The following CDC42BPA variants were observed in gnomAD, a reference collection of about 807,000 sequenced individuals.
CDC42BPA encodes CDC42 binding protein kinase alpha.
In CDC42BPA, 80 loss-of-function variants were observed where a neutral mutation model predicts 223.5. The ratio of observed to expected loss-of-function variants is 0.36; its 90% CI spans 0.30 to 0.43. CDC42BPA has a LOEUF of 0.43. Ranked by LOEUF, CDC42BPA falls within the 20% of genes least tolerant of loss-of-function variation. The pLI is 1.00. For missense variants in CDC42BPA, 1,743 were observed against 2,099.9 expected, an observed-to-expected ratio of 0.83 and a Z score of 3.32; for synonymous variants, 694 against 718.6, an observed-to-expected ratio of 0.97 and a Z score of 0.55.
chr1:227,011,159 T>A lies in CDC42BPA; in HGVS notation c.4857+4921A>T, dbSNP rs115859026. ...TGCACACAGAACAAATGGAATAGTA[T>A]CTGATATCAGAGCTGAATCCTTAAT... is the stretch of plus-strand genomic sequence containing the variant. On this transcript the variant is annotated intron_variant, in intron 34 of 36. Transcript: ENST00000366766. The A allele has an allele frequency of 1.4e-5, 8 of 562,592 alleles. No homozygotes were observed. The African/African-American group carries it at 1.4e-4, about 10-fold the overall frequency. The allele number at this position is 562,592 out of a possible 1,614,324, so 34.9% of individuals were successfully genotyped here. A position where few individuals can be genotyped will look rare whatever the true frequency, so the allele number is the denominator to read the frequency against.
At chr1:227,116,789 G>C (rs1232739267) in intron 12 of CDC42BPA, among the ~76,000 whole-genome samples, 1 of 152,132 alleles carries the variant, frequency 6.6e-6, no homozygotes, top group Non-Finnish European at 1.5e-5. Context: ...TTAGTAGTGA[G>C]AAAACTAAGA....
At chr1:227,187,993 A>G (rs1435335061) in intron 5 of CDC42BPA, among the ~76,000 whole-genome samples, 3 of 152,084 alleles carry the variant, frequency 2.0e-5, no homozygotes, top group East Asian at 3.9e-4. Flanking sequence ...CAGGAAAACT[A>G]TATTTCAGGA....
At chr1:227,291,799 T>C (rs1689746500) in intron 1 of CDC42BPA, among the ~76,000 whole-genome samples, 1 of 152,172 alleles carries the variant, frequency 6.6e-6, no homozygotes, top group Admixed American at 6.5e-5. Flanking sequence ...CAGCTACCTC[T>C]TATTACTGTA....
intron 5 of CDC42BPA, among the ~76,000 whole-genome samples, chr1:227,167,071 T>G (rs1279801889): frequency 6.6e-6 from 1 of 152,156 alleles, no homozygotes; most frequent in African/African-American, 2.4e-5. Context: ...AATAATTTGA[T>G]CACTGAGCTA....
intron 1 of CDC42BPA, among the ~76,000 whole-genome samples, chr1:227,276,379 C>T (rs1340763465): frequency 2.0e-5 from 3 of 148,884 alleles, no homozygotes; most frequent in Non-Finnish European, 4.5e-5. Context: ...GGAGCCCCTC[C>T]GCCCAGCAGC....
chr1:227,113,410 A>G (rs191494866), intron 12 of CDC42BPA, among the ~76,000 whole-genome samples: 23 of 152,316 alleles, frequency 1.5e-4, no homozygotes, highest in African/African-American at 5.3e-4. Flanking sequence ...AGGAAATGCA[A>G]ATTTTCTTTG....
chr1:227,211,167 A>G (rs1193878501), intron 3 of CDC42BPA, among the ~76,000 whole-genome samples: 1 of 152,194 alleles, frequency 6.6e-6, no homozygotes, highest in African/African-American at 2.4e-5. Context: ...GTAAAAACTA[A>G]GGTGTTGAAT....
intron 34 of CDC42BPA, among the ~76,000 whole-genome samples, chr1:227,015,513 A>C (rs61834006): frequency 0.38 from 57,516 of 152,034 alleles, 11,552 homozygotes; most frequent in Non-Finnish European, 0.46. Flanking sequence ...CCTTGGCCTC[A>C]CAAAGTGCTG....
Position 226,994,336 on chromosome 1 carries a change from G to A in CDC42BPA, c.5197C>T (p.Pro1733Ser). 1 of 1,597,598 alleles carries A rather than the reference G, an allele frequency of 6.3e-7. No homozygotes were observed. The highest frequency in any genetic ancestry group is 8.5e-7 in the Non-Finnish European group (1 of 1,170,678). ...NSSNLSSPPS[P>S]ASPRKTKSLS... is the part of the protein sequence containing the mutation. ...CTCTTGGTTTTTCGGGGTGAAGCTGGGCTTGGGGGGCTGCTTAGGTTGGAA... is the reference window on the plus strand; with the variant it reads ...CTCTTGGTTTTTCGGGGTGAAGCTGAGCTTGGGGGGCTGCTTAGGTTGGAA... Residue 1733 changes from proline (P) to serine (S), a missense_variant, in exon 37 of 37, where the codon CCA (proline) becomes TCA (serine). Physicochemically the swap from Pro to Ser is moderately conservative, Grantham distance 74 (BLOSUM62 -1). Around this residue, in one of 6 missense-constraint regions of CDC42BPA, gnomAD observed 200 missense variants for 192.8 expected, o/e 1.04. Coordinates refer to ENST00000366766, the MANE Select transcript of CDC42BPA (RefSeq NM_001394014.1). The surrounding 1 kb of genome is among the most constrained non-coding windows in gnomAD (Gnocchi z 4.0).
chr1:227,164,325 G>T (rs1437579480), intron 5 of CDC42BPA, among the ~76,000 whole-genome samples: 3 of 151,992 alleles, frequency 2.0e-5, no homozygotes, highest in Non-Finnish European at 2.9e-5. Context: ...AATTTTTATG[G>T]GAATCATGAT....
At chr1:227,132,778 C>A (rs1363160463) in intron 10 of CDC42BPA, among the ~76,000 whole-genome samples, 1 of 151,430 alleles carries the variant, frequency 6.6e-6, no homozygotes, top group African/African-American at 2.4e-5. Context: ...CGCCTCTGCC[C>A]CGCCGCCCCG....
At chr1:227,261,118 G>GTTTTTTT (rs1351313489) in intron 1 of CDC42BPA, among the ~76,000 whole-genome samples, 1 of 51,144 alleles carries the variant, frequency 2.0e-5, no homozygotes, top group Non-Finnish European at 4.2e-5. Context: ...GAATAATTGA[G>GTTTTTTT]TTTTTCTTTT....
chr1:227,279,591 T>C (rs1349413498), intron 1 of CDC42BPA, among the ~76,000 whole-genome samples: 1 of 152,150 alleles, frequency 6.6e-6, no homozygotes, highest in Non-Finnish European at 1.5e-5. Flanking sequence ...TTCTTTGTAA[T>C]TCCAAAAGAT....
intron 4 of CDC42BPA, among the ~76,000 whole-genome samples, chr1:227,194,425 C>A (rs1392318779): frequency 6.6e-6 from 1 of 152,178 alleles, no homozygotes; most frequent in Non-Finnish European, 1.5e-5. Context: ...TATAGATCAG[C>A]ATTTAGAAAC....
intron 10 of CDC42BPA, among the ~76,000 whole-genome samples, chr1:227,136,712 TG>T (rs1658640866): frequency 6.6e-6 from 1 of 152,204 alleles, no homozygotes; most frequent in Admixed American, 6.5e-5. Flanking sequence ...AGAAATATTA[TG>T]GAAGTTATTA....
At chr1:227,162,648 C>A (rs1664127720) in intron 5 of CDC42BPA, among the ~76,000 whole-genome samples, 1 of 152,060 alleles carries the variant, frequency 6.6e-6, no homozygotes, top group Non-Finnish European at 1.5e-5. Flanking sequence ...CTGTGCAACA[C>A]AGTGAGACCC....
Position 227,306,668 on chromosome 1 carries a change from A to G in CDC42BPA, c.178+10337T>C, listed in dbSNP as rs116779509. Among the ~76,000 whole-genome samples, 914 of 152,342 alleles carry G rather than the reference A, an allele frequency of 6.0e-3. 10 individuals carry two copies. The highest frequency in any genetic ancestry group is 0.021 in the African/African-American group (860 of 41,572). ...GAAAAGCTTTATGATATCATATGTC[A>G]GCTTCACTACATACCCGAACTTAGT... is the stretch of plus-strand genomic sequence containing the variant. On this transcript the variant is annotated intron_variant, in intron 1 of 36. Transcript: ENST00000366766.
chr1:227,217,338 T>C (rs1388651371), intron 2 of CDC42BPA, among the ~76,000 whole-genome samples: 1 of 151,262 alleles, frequency 6.6e-6, no homozygotes, highest in East Asian at 1.9e-4. Context: ...TCCCAGCTAC[T>C]AGGGAGGCTG....
In CDC42BPA at chr1:227,088,312, T is replaced by G. The variant is rs1326786688; in HGVS notation, c.2355+3574A>C. Among the ~76,000 whole-genome samples, 3 of 152,308 alleles carry G rather than the reference T, an allele frequency of 2.0e-5. No individual in the cohort carries two copies. In the East Asian group the frequency reaches 5.8e-4, roughly 29 times the overall value. ...ACCTGCACATAGTAAATTTTAAGTA[T>G]TAGTTCATTTTTCATGTTTGAAAAT... On this transcript the variant is annotated intron_variant, in intron 16 of 36. Transcript: ENST00000366766.
Sources: allele counts gnomAD v4.1 joint callset (sites outside exome capture counted in the v4.1 genomes callset), GRCh38; gene constraint gnomAD v4.1.1; regional missense constraint gnomAD v4.1.1; non-coding constraint Gnocchi (gnomAD v3.1); transcripts MANE v1.5; gene names NCBI Gene and HGNC (gene_info 2026-07-23, HGNC 2026-07-21).